IQCM: variants seen among roughly 807,000 people sequenced by gnomAD.
The protein encoded by IQCM is IQ domain-containing protein M.
Under a neutral mutation model 57.6 loss-of-function variants are expected in IQCM, and 45 were observed. That is an observed-to-expected ratio of 0.78 (90% CI 0.62 to 1.00). IQCM has a LOEUF of 1.00. Ranked by LOEUF, IQCM falls within the 50% of genes least tolerant of loss-of-function variation. The probability of loss-of-function intolerance (pLI) is 0.00; values close to 1 mark genes in which losing one functional copy is unlikely to be tolerated. For missense variants in IQCM, 468 were observed against 511.6 expected (o/e 0.91, Z 0.82); for synonymous variants, 148 against 158.9 (o/e 0.93, Z 0.51).
intron 8 of IQCM, among the ~76,000 whole-genome samples, chr4:149,613,584 T>A (rs1755500213): frequency 6.6e-6 from 1 of 152,080 alleles, no homozygotes; most frequent in South Asian, 2.1e-4. Flanking sequence ...TTTTTTTAAT[T>A]ATACTTTAAG....
rs116235286 is a variant in IQCM, at chr4:149,394,671, A to G, written c.1390+38725T>C. 4.9e-3 allele frequency among the ~76,000 whole-genome samples: 739 copies of G among 152,008 alleles called. 4 individuals carry two copies. Among genetic ancestry groups the G allele is most frequent in the African/African-American group, 0.015 (605 of 41,486 alleles). ...CCACAGTAGGAATTCTGACAGGTGGATGCCCAAGTCCTGCTCAACTAAAAT... is the reference window on the plus strand; with the variant it reads ...CCACAGTAGGAATTCTGACAGGTGGGTGCCCAAGTCCTGCTCAACTAAAAT... On this transcript the variant is annotated intron_variant, in intron 13 of 13. Coordinates refer to ENST00000636793, the MANE Select transcript of IQCM (RefSeq NM_001363507.2).
intron 8 of IQCM, among the ~76,000 whole-genome samples, chr4:149,595,113 G>C (rs1029973971): frequency 2.5e-4 from 38 of 152,178 alleles, no homozygotes; most frequent in African/African-American, 9.2e-4. Context: ...GGTCTCTAAG[G>C]ACTTGCTTTA....
chr4:149,774,726 C>G (rs1242897175), intron 2 of IQCM, among the ~76,000 whole-genome samples: 9 of 149,914 alleles, frequency 6.0e-5, no homozygotes, highest in African/African-American at 2.2e-4. Flanking sequence ...TTCCTTCTCT[C>G]TTCTCCCTTC....
intron 8 of IQCM, among the ~76,000 whole-genome samples, chr4:149,594,045 C>T (rs1342996377): frequency 2.6e-5 from 4 of 152,170 alleles, no homozygotes; most frequent in African/African-American, 7.2e-5. Context: ...CCAGCTCCTC[C>T]TTGTACCTCT....
intron 3 of IQCM, among the ~76,000 whole-genome samples, chr4:149,742,454 G>A (rs1250176901): frequency 6.6e-6 from 1 of 152,104 alleles, no homozygotes; most frequent in African/African-American, 2.4e-5. Context: ...CATGTGACAA[G>A]TGGATACCAT....
intron 5 of IQCM, among the ~76,000 whole-genome samples, chr4:149,694,227 T>TC (rs1323134894): frequency 7.2e-5 from 10 of 138,664 alleles, no homozygotes; most frequent in African/African-American, 1.4e-4. Context: ...TCTTTTTTTT[T>TC]TTTTTTTTTT....
chr4:149,394,560 G>A (rs567117640), intron 13 of IQCM, among the ~76,000 whole-genome samples: 2 of 152,094 alleles, frequency 1.3e-5, no homozygotes, highest in East Asian at 3.9e-4. Context: ...GTCCTGGCAG[G>A]TCATCTCACT....
At chr4:149,431,329 G>C (rs1217689716) in intron 13 of IQCM, among the ~76,000 whole-genome samples, 1 of 151,970 alleles carries the variant, frequency 6.6e-6, no homozygotes, top group African/African-American at 2.4e-5. Flanking sequence ...GCTGACACTT[G>C]ATATGGCCAG....
intron 9 of IQCM, among the ~76,000 whole-genome samples, chr4:149,571,692 G>A (rs978323643): frequency 5.9e-5 from 9 of 152,040 alleles, no homozygotes; most frequent in African/African-American, 1.9e-4. Flanking sequence ...TAATTAGCTC[G>A]ATTTAGTCAT....
At chr4:149,702,998 C>A (rs556903127) in intron 5 of IQCM, among the ~76,000 whole-genome samples, 19 of 151,956 alleles carry the variant, frequency 1.3e-4, no homozygotes, top group Non-Finnish European at 2.5e-4. Flanking sequence ...TGTGGGACAG[C>A]CAACCTGCCA....
chr4:149,539,458 C>T (rs1262923546), intron 12 of IQCM, among the ~76,000 whole-genome samples: 1 of 152,122 alleles, frequency 6.6e-6, no homozygotes, highest in Non-Finnish European at 1.5e-5. Context: ...TAAATTTAAT[C>T]TAACATGCTT....
At chr4:149,407,146 C>T (rs1733037752) in intron 13 of IQCM, among the ~76,000 whole-genome samples, 1 of 152,078 alleles carries the variant, frequency 6.6e-6, no homozygotes. Context: ...GGGGAAACCA[C>T]CACCATGATT....
chr4:149,560,653 C>G (rs960325126), intron 10 of IQCM, among the ~76,000 whole-genome samples: 2 of 152,116 alleles, frequency 1.3e-5, no homozygotes, highest in African/African-American at 2.4e-5. Context: ...ATATAGCAAT[C>G]TCTGTGGTCT....
chr4:149,578,598 A>C (rs190961785), intron 9 of IQCM, among the ~76,000 whole-genome samples: 7 of 151,628 alleles, frequency 4.6e-5, no homozygotes, highest in Admixed American at 4.0e-4. Flanking sequence ...GACTCTACCT[A>C]CTCCCATCCG....
rs200017968 is a variant in IQCM, at chr4:149,384,748, C to CTT, written c.1391-32684_1391-32683dup. Among the ~76,000 whole-genome samples, 23 of 144,820 alleles carry CTT rather than the reference C, an allele frequency of 1.6e-4. No homozygotes were observed. In the South Asian group the frequency reaches 2.2e-3, roughly 14 times the overall value. ...TATGTATGCCTTTTCTCCTGTTAAT[C>CTT]TTTTTTTTTTTTGTCAGTTTAACTT... On this transcript the variant is annotated intron_variant, in intron 13 of 13. Transcript: ENST00000636793.
chr4:149,404,022 T>G (rs563136532), intron 13 of IQCM, among the ~76,000 whole-genome samples: 4 of 152,156 alleles, frequency 2.6e-5, no homozygotes, highest in Admixed American at 2.0e-4. Context: ...AGCAAGCATT[T>G]ATTAAGTGCT....
chr4:149,762,089 A>G (rs1455553260), intron 2 of IQCM, among the ~76,000 whole-genome samples: 2 of 152,070 alleles, frequency 1.3e-5, no homozygotes, highest in Admixed American at 1.3e-4. Context: ...ATCAATTAGG[A>G]CAATATCTCT....
At chr4:149,385,933 A>G (rs1560792857) in intron 13 of IQCM, among the ~76,000 whole-genome samples, 1 of 152,126 alleles carries the variant, frequency 6.6e-6, no homozygotes, top group Non-Finnish European at 1.5e-5. Flanking sequence ...TGACTGAACT[A>G]CATTCCTTTC....
intron 12 of IQCM, among the ~76,000 whole-genome samples, chr4:149,495,498 C>G (rs929207407): frequency 6.6e-6 from 1 of 152,078 alleles, no homozygotes; most frequent in Non-Finnish European, 1.5e-5. Context: ...TGACTCTGAC[C>G]ATTGATACCA....
Sources: allele counts gnomAD v4.1 joint callset (sites outside exome capture counted in the v4.1 genomes callset), GRCh38; gene constraint gnomAD v4.1.1; transcripts MANE v1.5; gene names NCBI Gene and HGNC (gene_info 2026-07-23, HGNC 2026-07-21).